Variants in ECI1 observed in about 807,000 individuals in gnomAD.
ECI1 encodes enoyl-CoA delta isomerase 1, also known as enoyl-CoA delta isomerase 1, mitochondrial.
In ECI1, 34 loss-of-function variants were observed where a neutral mutation model predicts 34.2. The ratio of observed to expected loss-of-function variants is 1.00; its 90% CI spans 0.76 to 1.33. ECI1 has a LOEUF of 1.33. Ranked by LOEUF, ECI1 falls within the 40% of genes most tolerant of loss-of-function variation. The probability of loss-of-function intolerance (pLI) is 0.00; values close to 1 mark genes in which losing one functional copy is unlikely to be tolerated. For missense variants in ECI1, 456 were observed against 422.2 expected, an observed-to-expected ratio of 1.08 and a Z score of -0.70; for synonymous variants, 211 against 193.0, an observed-to-expected ratio of 1.09 and a Z score of -0.77.
intron 6 of ECI1, 57 bp from the exon 7 acceptor site, chr16:2,240,202 C>T (rs2141493155): frequency 6.4e-7 from 1 of 1,572,936 alleles, no homozygotes; most frequent in Non-Finnish European, 8.7e-7. Flanking sequence ...TGGGGTGATT[C>T]CCAACTTATT....
chr16:2,250,555 G>A (rs1000359220), intron 2 of ECI1, among the ~76,000 whole-genome samples: 39 of 152,182 alleles, frequency 2.6e-4, no homozygotes, highest in Admixed American at 6.5e-5. Context: ...TGTCCTGGAA[G>A]CAGAACTGCT....
chr16:2,240,061 T>C lies in ECI1; in HGVS notation c.827A>G (p.Asn276Ser). The stretch of plus-strand genomic sequence containing the variant: ...GTCTTTGGAGATGAAGCTGACGAAG[T>C]TCTGCACGTCCGCATCGCGCTGCGT... ...LVTQRDADVQ[N>S]FVSFISKDSI... Residue 276 changes from asparagine (N) to serine (S), a missense_variant, in exon 7 of 7, where the codon AAC becomes AGC. Transcript: ENST00000301729. 1.2e-6 allele frequency: 2 copies of C among 1,614,012 alleles called. No homozygotes were observed. The highest frequency in any genetic ancestry group is 1.7e-6 in the Non-Finnish European group (2 of 1,180,022).
intron 2 of ECI1, among the ~76,000 whole-genome samples, chr16:2,249,108 C>T (rs1489605298): frequency 3.9e-5 from 6 of 152,168 alleles, no homozygotes; most frequent in South Asian, 2.1e-4. Context: ...TGCAGTGGCG[C>T]GATCTCGGCT....
At chr16:2,251,227 C>T in intron 2 of ECI1, 89 bp downstream of exon 2, 2 of 515,172 alleles carry the variant, frequency 3.9e-6, no homozygotes, top group Non-Finnish European at 5.4e-6. Context: ...CGAGCGTCGA[C>T]AGACGTGGTT....
intron 2 of ECI1, among the ~76,000 whole-genome samples, chr16:2,250,527 G>A (rs922233669): frequency 6.6e-5 from 10 of 152,138 alleles, no homozygotes; most frequent in Non-Finnish European, 1.3e-4. Flanking sequence ...CTGCTGCACC[G>A]GGAGGTCCAG....
chr16:2,243,921 T>C (rs943777801), intron 4 of ECI1, among the ~76,000 whole-genome samples: 1 of 152,162 alleles, frequency 6.6e-6, no homozygotes, highest in African/African-American at 2.4e-5. Flanking sequence ...CCTGTCTGCA[T>C]GGCCGTGCAC....
At chr16:2,244,736 C>CGCCA (rs1894702127) in intron 3 of ECI1, among the ~76,000 whole-genome samples, 184 bp from the exon 4 acceptor site, 1 of 152,226 alleles carries the variant, frequency 6.6e-6, no homozygotes, top group Non-Finnish European at 1.5e-5. Flanking sequence ...TCTCCTGGAC[C>CGCCA]TGGCTTCCCT....
intron 2 of ECI1, among the ~76,000 whole-genome samples, chr16:2,250,216 G>A (rs2093549989): frequency 7.7e-6 from 1 of 130,610 alleles, no homozygotes; most frequent in South Asian, 2.4e-4. Flanking sequence ...CGGAGATTGC[G>A]CCACTGCACT....
intron 4 of ECI1, 114 bp from the exon 5 acceptor site, chr16:2,243,553 G>A: frequency 7.7e-7 from 1 of 1,297,568 alleles, no homozygotes; most frequent in Admixed American, 1.8e-5. Context: ...ACCCCCGCAG[G>A]GTTCAACACC....
intron 2 of ECI1, among the ~76,000 whole-genome samples, chr16:2,250,142 C>G (rs1281747972): frequency 6.8e-6 from 1 of 146,078 alleles, no homozygotes; most frequent in East Asian, 2.0e-4. Context: ...CCCTGTAATC[C>G]CAGCTATTTG....
chr16:2,244,663 C>T, intron 3 of ECI1, 111 bp from the exon 4 acceptor site: 3 of 1,220,802 alleles, frequency 2.5e-6, no homozygotes, highest in Non-Finnish European at 3.5e-6. Context: ...CCAGGTCACG[C>T]TCAGGGTGTG....
At chr16:2,247,554 C>T (rs1162378871) in intron 2 of ECI1, among the ~76,000 whole-genome samples, 4 of 152,076 alleles carry the variant, frequency 2.6e-5, no homozygotes, top group Middle Eastern at 3.2e-3. Flanking sequence ...CGTGCCGCTA[C>T]ATCCAGCTAA....
intron 3 of ECI1, among the ~76,000 whole-genome samples, chr16:2,245,264 C>T (rs7187035): frequency 0.082 from 12,423 of 152,244 alleles, 616 homozygotes; most frequent in African/African-American, 0.13. Context: ...GAGGGCCAGA[C>T]CCCCCAAGGC....
chr16:2,251,404 G>T lies in ECI1; in HGVS notation c.78C>A (p.Leu26=). 7.4e-7 allele frequency: 1 copy of T among 1,344,144 alleles called. No individual in the cohort carries two copies. The allele number at this position is 1,344,144 out of a possible 1,614,324, so 83.3% of individuals were successfully genotyped here. A position where few individuals can be genotyped will look rare whatever the true frequency, so the allele number is the denominator to read the frequency against. The change falls in exon 2 of 7, where the codon CTC becomes CTA. Residue 26 remains leucine (L), a synonymous_variant. Transcript: ENST00000301729. ...RAGARLPGAA[L]GRTERAAGGG... ...CGCCGGCCGCCCGCTCCGTCCGCCC[G>T]AGGGCCGCGCCCGGGAGCCGGGCCC...
intron 6 of ECI1, among the ~76,000 whole-genome samples, chr16:2,241,313 T>C (rs151293473): frequency 3.9e-4 from 59 of 152,256 alleles, no homozygotes; most frequent in African/African-American, 1.3e-3. Flanking sequence ...TTTACTTTTT[T>C]TGAGAGGAGT....
chr16:2,244,162 G>C (rs2093534675), intron 4 of ECI1: 1 of 576,356 alleles, frequency 1.7e-6, no homozygotes, highest in African/African-American at 1.9e-5. Context: ...CCCAGGCCCT[G>C]GTCCCTACCC....
chr16:2,246,768 C>T, intron 3 of ECI1, 91 bp downstream of exon 3: 1 of 1,589,918 alleles, frequency 6.3e-7, no homozygotes, highest in Admixed American at 1.7e-5. Context: ...TTGGCAGGCT[C>T]TGCCTCTTCC....
chr16:2,241,602 T>C (rs1015924789), intron 6 of ECI1: 2 of 152,214 alleles, frequency 1.3e-5, no homozygotes, highest in Middle Eastern at 3.2e-3. Flanking sequence ...GGGCTGGTTT[T>C]TACATTTTTG....
At chr16:2,243,462 G>A in intron 4 of ECI1, 23 bp from the exon 5 acceptor site, 1 of 1,608,824 alleles carries the variant, frequency 6.2e-7, no homozygotes, top group Non-Finnish European at 8.5e-7. Flanking sequence ...GCCGGACAGG[G>A]CTCTTAGGTG....
Sources: allele counts gnomAD v4.1 joint callset (sites outside exome capture counted in the v4.1 genomes callset), GRCh38; gene constraint gnomAD v4.1.1; transcripts MANE v1.5; gene names NCBI Gene and HGNC (gene_info 2026-07-23, HGNC 2026-07-21).